MGAT5: variants seen among roughly 807,000 people sequenced by gnomAD.
MGAT5 encodes alpha-1,6-mannosylglycoprotein 6-beta-N-acetylglucosaminyltransferase A.
A neutral mutation model predicts 94.3 loss-of-function variants in MGAT5; 30 were observed. The ratio of observed to expected loss-of-function variants is 0.32; its 90% CI spans 0.24 to 0.43. MGAT5 has a LOEUF of 0.43. MGAT5 is among the 20% of genes least tolerant of loss of function. The pLI, the probability that MGAT5 is intolerant of heterozygous loss-of-function variation, is 1.00. For missense variants in MGAT5, 691 were observed against 905.5 expected (o/e 0.76, Z 3.04); for synonymous variants, 310 against 322.9 (o/e 0.96, Z 0.43).
Position 134,450,202 on chromosome 2 carries a change from C to T in MGAT5, c.*1355C>T, listed in dbSNP as rs939332043. 16 of 152,338 alleles carry T rather than the reference C, an allele frequency of 1.1e-4. No homozygotes were observed. The highest frequency in any genetic ancestry group is 3.6e-4 in the African/African-American group (15 of 41,542). 9.4% of individuals were successfully genotyped at this position (152,338 alleles called of 1,614,324 possible). ...ACAAGTTTGTAAGTTTCTGAAAAGC[C>T]CCTGACATCTCCATGCTGATGCAAG... On this transcript the variant is annotated 3_prime_UTR_variant, in exon 16 of 16. Coordinates refer to ENST00000281923, the MANE Select transcript of MGAT5 (RefSeq NM_002410.5).
At chr2:134,313,166 G>C (rs1313973879) in intron 2 of MGAT5, among the ~76,000 whole-genome samples, 2 of 151,408 alleles carry the variant, frequency 1.3e-5, no homozygotes, top group African/African-American at 4.9e-5. Flanking sequence ...GTTTCCCTCT[G>C]TACACGTCTC....
chr2:134,428,446 C>T lies in MGAT5; in HGVS notation c.1869+7C>T, dbSNP rs369771530. 85 of 1,612,874 alleles carry T rather than the reference C, an allele frequency of 5.3e-5. No homozygotes were observed. The African/African-American group carries it at 1.0e-3, about 20-fold the overall frequency. On this transcript the variant is annotated splice_region_variant and intron_variant, in intron 14 of 15. Transcript: ENST00000281923. Reference sequence around the variant, plus strand: ...TGCTTTCATTGAAAAACAGGTAAGGCTTATCAGAAGTCAGTCTGTCTTTGC... The same window carrying T: ...TGCTTTCATTGAAAAACAGGTAAGGTTTATCAGAAGTCAGTCTGTCTTTGC...
chr2:134,207,819 G>T (rs1034815282), intron 1 of MGAT5, among the ~76,000 whole-genome samples: 6 of 152,134 alleles, frequency 3.9e-5, no homozygotes, highest in South Asian at 4.1e-4. Flanking sequence ...GGAGGTCTTT[G>T]CCCAGAGGCT....
At chr2:134,266,683 G>A (rs1215693235) in intron 1 of MGAT5, among the ~76,000 whole-genome samples, 2 of 152,180 alleles carry the variant, frequency 1.3e-5, no homozygotes, top group Non-Finnish European at 2.9e-5. Context: ...GTTCACTTAC[G>A]TAACACATGC....
At chr2:134,346,585 C>A (rs1486717171) in intron 8 of MGAT5, among the ~76,000 whole-genome samples, 2 of 151,976 alleles carry the variant, frequency 1.3e-5, no homozygotes, top group Non-Finnish European at 2.9e-5. Flanking sequence ...TCAAAATTTT[C>A]CCTTTTAAAA....
intron 10 of MGAT5, among the ~76,000 whole-genome samples, chr2:134,373,001 A>G (rs751587868): frequency 1.3e-4 from 20 of 152,216 alleles, no homozygotes; most frequent in Admixed American, 5.2e-4. Context: ...TCCTGCTCCA[A>G]TAGTGCTGGG....
In MGAT5 at chr2:134,193,540, G is replaced by A. The variant is rs529250176; in HGVS notation, c.-142-60722G>A. ...ACAGCAGCTGCCCTTGTGCCCAGGC[G>A]GTGGTGGACATGCCCCCTAAGCCCT... On this transcript the variant is annotated intron_variant, in intron 1 of 16. Transcript: ENST00000409645. 1.3e-3 allele frequency among the ~76,000 whole-genome samples: 192 copies of A among 152,278 alleles called. 1 individual carries two copies. Among genetic ancestry groups the A allele is most frequent in the African/African-American group, 4.3e-3 (178 of 41,564 alleles).
chr2:134,257,062 C>T (rs1421432206), intron 1 of MGAT5, among the ~76,000 whole-genome samples: 1 of 152,120 alleles, frequency 6.6e-6, no homozygotes, highest in East Asian at 1.9e-4. Flanking sequence ...GGTCTCTACC[C>T]ACTAGATGCC....
chr2:134,349,105 A>G lies in MGAT5; in HGVS notation c.1113-700A>G, dbSNP rs143497748. Among the ~76,000 whole-genome samples, 263 of 152,340 alleles carry G rather than the reference A, an allele frequency of 1.7e-3. 1 individual carries two copies. Among genetic ancestry groups the G allele is most frequent in the African/African-American group, 6.0e-3 (251 of 41,584 alleles). On this transcript the variant is annotated intron_variant, in intron 8 of 15. Coordinates refer to ENST00000281923, the MANE Select transcript of MGAT5 (RefSeq NM_002410.5). ...TACATGTCACAAAATATTTTTTAAAAACCATTTAAGAATGTAAATATTATT... is the reference window on the plus strand; with the variant it reads ...TACATGTCACAAAATATTTTTTAAAGACCATTTAAGAATGTAAATATTATT...
chr2:134,204,766 C>T (rs1433408197), intron 1 of MGAT5, among the ~76,000 whole-genome samples: 2 of 152,168 alleles, frequency 1.3e-5, no homozygotes, highest in Admixed American at 6.5e-5. Context: ...ACAGGTATCT[C>T]TCTGGGGATA....
At chr2:134,178,182 A>G (rs1688568795) in intron 1 of MGAT5, among the ~76,000 whole-genome samples, 1 of 152,176 alleles carries the variant, frequency 6.6e-6, no homozygotes, top group Non-Finnish European at 1.5e-5. Flanking sequence ...AACATCTAAA[A>G]CTAAAACTTC....
At chr2:134,338,776 G>C (rs746070791) in intron 6 of MGAT5, among the ~76,000 whole-genome samples, 1 of 151,984 alleles carries the variant, frequency 6.6e-6, no homozygotes, top group Non-Finnish European at 1.5e-5. Context: ...TATTTTTGTT[G>C]TTTTTCATCC....
At chr2:134,309,624 A>G (rs1047342568) in intron 2 of MGAT5, among the ~76,000 whole-genome samples, 3 of 152,102 alleles carry the variant, frequency 2.0e-5, no homozygotes, top group Middle Eastern at 6.3e-3. Flanking sequence ...TGTTCTTCCT[A>G]TCATGTGTGT....
chr2:134,359,187 C>T (rs551026993), intron 9 of MGAT5, among the ~76,000 whole-genome samples: 4 of 152,294 alleles, frequency 2.6e-5, no homozygotes, highest in East Asian at 3.9e-4. Flanking sequence ...GGTGACATTG[C>T]GTATGTATTC....
chr2:134,267,445 T>G (rs1404265304), intron 1 of MGAT5, among the ~76,000 whole-genome samples: 1 of 152,192 alleles, frequency 6.6e-6, no homozygotes, highest in Admixed American at 6.5e-5. Flanking sequence ...GTTCAATAAG[T>G]GGAGGAGGTT....
chr2:134,254,580 G>A lies in MGAT5; in HGVS notation c.177G>A (p.Lys59=), dbSNP rs1682813636. 3.7e-6 allele frequency: 6 copies of A among 1,614,106 alleles called. 1 individual carries two copies. The South Asian group carries it at 6.6e-5, about 18-fold the overall frequency. ...QILDLSKRYI[K]ALAEENRNVV... ...TGGACCTCAGCAAAAGGTACATCAAGGCACTGGCAGAAGAAAACAGGAATG... is the reference window on the plus strand; with the variant it reads ...TGGACCTCAGCAAAAGGTACATCAAAGCACTGGCAGAAGAAAACAGGAATG... Residue 59 remains lysine (K), a synonymous_variant, in exon 1 of 16, where the codon AAG becomes AAA. Coordinates refer to ENST00000281923, the MANE Select transcript of MGAT5 (RefSeq NM_002410.5).
chr2:134,417,965 T>A (rs1684074586), intron 12 of MGAT5, among the ~76,000 whole-genome samples: 1 of 152,170 alleles, frequency 6.6e-6, no homozygotes, highest in African/African-American at 2.4e-5. Context: ...TACTGCAGTT[T>A]CTATATACAA....
At chr2:134,273,348 G>A (rs1482271998) in intron 2 of MGAT5, among the ~76,000 whole-genome samples, 1 of 152,186 alleles carries the variant, frequency 6.6e-6, no homozygotes, top group Non-Finnish European at 1.5e-5. Flanking sequence ...AGCTGTGAGA[G>A]TTCAGTTTTA....
chr2:134,331,307 T>A (rs1292633297), intron 4 of MGAT5, among the ~76,000 whole-genome samples: 1 of 152,166 alleles, frequency 6.6e-6, no homozygotes, highest in Non-Finnish European at 1.5e-5. Context: ...TGTGCATTGA[T>A]GTTCTAAAGT....
Sources: allele counts gnomAD v4.1 joint callset (sites outside exome capture counted in the v4.1 genomes callset), GRCh38; gene constraint gnomAD v4.1.1; transcripts MANE v1.5; gene names NCBI Gene and HGNC (gene_info 2026-07-23, HGNC 2026-07-21).